The following PGBD5 variants were observed in gnomAD, a reference collection of about 807,000 sequenced individuals.
PGBD5 encodes piggyBac transposable element-derived protein 5.
Under a neutral mutation model 47.9 loss-of-function variants are expected in PGBD5, and 14 were observed. The observed-to-expected ratio is 0.29, with a 90% CI of 0.19 to 0.46. PGBD5 has a LOEUF of 0.46. Ranked by LOEUF, PGBD5 falls within the 20% of genes least tolerant of loss-of-function variation. PGBD5 has a pLI of 1.00. For synonymous variants in PGBD5, 316 were observed against 306.3 expected (o/e 1.03, Z -0.33); for missense variants, 635 against 716.0 (o/e 0.89, Z 1.29).
At chr1:230,400,320 C>G (rs950471388) in intron 1 of PGBD5, among the ~76,000 whole-genome samples, 1 of 152,212 alleles carries the variant, frequency 6.6e-6, no homozygotes, top group Non-Finnish European at 1.5e-5. Context: ...AATTCTGCAA[C>G]AGACGCCTTC....
chr1:230,414,634 A>G (rs1227209428), intron 1 of PGBD5, among the ~76,000 whole-genome samples: 6 of 152,172 alleles, frequency 3.9e-5, no homozygotes, highest in Non-Finnish European at 7.3e-5. Flanking sequence ...ACATCCCCCT[A>G]AGATGCCACA....
At chr1:230,419,712 G>A (rs754780748) in intron 1 of PGBD5, among the ~76,000 whole-genome samples, 15 of 152,132 alleles carry the variant, frequency 9.9e-5, no homozygotes, top group African/African-American at 3.4e-4. Flanking sequence ...GCATAAAAAG[G>A]TACATTTCTG....
rs547686560 is a variant in PGBD5, at chr1:230,315,403, C to G, written c.*8022G>C. ...ATTCAGCCCCGGGAGCCACTCGGAT[C>G]AAGTCTGGCTGTATCCCGAGGGCGA... is the stretch of plus-strand genomic sequence containing the variant. On this transcript the variant is annotated 3_prime_UTR_variant, in exon 7 of 7. Transcript: ENST00000391860. The G allele has an allele frequency of 2.9e-5, 4 of 139,004 alleles. No homozygotes were observed. Among genetic ancestry groups the G allele is most frequent in the African/African-American group, 1.3e-4 (4 of 30,766 alleles). The allele number at this position is 139,004 out of a possible 1,614,324, so 8.6% of individuals were successfully genotyped here.
intron 1 of PGBD5, among the ~76,000 whole-genome samples, chr1:230,399,058 A>AT (rs1553289703): frequency 3.6e-4 from 55 of 151,538 alleles, no homozygotes; most frequent in Non-Finnish European, 6.3e-4. Context: ...CAGGTTACTA[A>AT]GGGGGGGTGG....
chr1:230,377,748 T>C lies in PGBD5; in HGVS notation c.332-20427A>G, dbSNP rs1183354211. The C allele has an allele frequency of 3.6e-6, 5 of 1,391,600 alleles. No homozygotes were observed. The African/African-American group carries it at 7.3e-5, about 20-fold the overall frequency. The allele number at this position is 1,391,600 out of a possible 1,614,324, so 86.2% of individuals were successfully genotyped here. Reference sequence around the variant, plus strand: ...GAGTCATTGTGAGAATAAAATGAAATACTGTGCATAAAGCACAGTGCAGCA... The same window carrying C: ...GAGTCATTGTGAGAATAAAATGAAACACTGTGCATAAAGCACAGTGCAGCA... On this transcript the variant is annotated intron_variant, in intron 1 of 6. Coordinates refer to ENST00000391860, the MANE Select transcript of PGBD5 (RefSeq NM_001258311.2).
At chr1:230,360,866 G>A (rs549079260) in intron 1 of PGBD5, among the ~76,000 whole-genome samples, 22 of 152,128 alleles carry the variant, frequency 1.4e-4, no homozygotes, top group South Asian at 4.1e-4. Flanking sequence ...GATAAGACTC[G>A]GATCCGTTTA....
At chr1:230,408,768 T>A (rs6697905) in intron 1 of PGBD5, among the ~76,000 whole-genome samples, 123 of 152,284 alleles carry the variant, frequency 8.1e-4, no homozygotes, top group African/African-American at 2.9e-3. Flanking sequence ...GAAGAAAGCA[T>A]AGGGTTAAAT....
chr1:230,358,779 A>G (rs1667698304), intron 1 of PGBD5, among the ~76,000 whole-genome samples: 1 of 152,224 alleles, frequency 6.6e-6, no homozygotes, highest in African/African-American at 2.4e-5. Context: ...ACAGGTTTGT[A>G]GTCTAGGAGC....
chr1:230,382,616 G>A (rs890043456), intron 1 of PGBD5, among the ~76,000 whole-genome samples: 3 of 152,172 alleles, frequency 2.0e-5, no homozygotes, highest in Non-Finnish European at 1.5e-5. Context: ...TCTGAAACCA[G>A]GGCAATCCTA....
intron 1 of PGBD5, among the ~76,000 whole-genome samples, chr1:230,396,185 T>C (rs1276198114): frequency 1.2e-4 from 14 of 112,678 alleles, no homozygotes; most frequent in African/African-American, 5.5e-4. Flanking sequence ...CCCACATTCC[T>C]TTTTACCCCC....
chr1:230,335,668 GATACACAGATACAGAC>G (rs1667301064), intron 4 of PGBD5, among the ~76,000 whole-genome samples: 1 of 53,862 alleles, frequency 1.9e-5, no homozygotes, highest in African/African-American at 5.3e-5. Flanking sequence ...GACACACACA[GATACACAGATACAGAC>G]ACACAGACAC....
At chr1:230,393,496 C>A (rs1362466761) in intron 1 of PGBD5, among the ~76,000 whole-genome samples, 1 of 152,082 alleles carries the variant, frequency 6.6e-6, no homozygotes, top group African/African-American at 2.4e-5. Flanking sequence ...CCAGAGGCTT[C>A]CACCCAATCT....
At chr1:230,344,527 T>A (rs1484241793) in intron 3 of PGBD5, among the ~76,000 whole-genome samples, 1 of 152,186 alleles carries the variant, frequency 6.6e-6, no homozygotes, top group East Asian at 1.9e-4. Flanking sequence ...TAAGTGTTCG[T>A]CATTCTTTCC....
At chr1:230,343,039 C>A (rs549025931) in intron 3 of PGBD5, among the ~76,000 whole-genome samples, 1 of 152,286 alleles carries the variant, frequency 6.6e-6, no homozygotes, top group African/African-American at 2.4e-5. Context: ...TGTGTATTAG[C>A]TGGGGCTTCT....
chr1:230,326,988 G>A (rs60154942), intron 5 of PGBD5, among the ~76,000 whole-genome samples: 14,552 of 152,104 alleles, frequency 0.096, 1,222 homozygotes, highest in African/African-American at 0.23. Flanking sequence ...AGAAGCACAC[G>A]GAGACCCATG....
intron 1 of PGBD5, among the ~76,000 whole-genome samples, chr1:230,396,039 G>A (rs863790): frequency 0.045 from 6,093 of 135,954 alleles, 451 homozygotes; most frequent in African/African-American, 0.16. Context: ...CCTTGCTTCC[G>A]TCTTCCCTTT....
At chr1:230,386,891 A>G (rs1440971525) in intron 1 of PGBD5, among the ~76,000 whole-genome samples, 2 of 152,190 alleles carry the variant, frequency 1.3e-5, no homozygotes, top group African/African-American at 4.8e-5. Context: ...AGCCTGAATT[A>G]GGGGAATATA....
intron 1 of PGBD5, among the ~76,000 whole-genome samples, chr1:230,358,964 G>T (rs1314764999): frequency 6.6e-6 from 1 of 152,162 alleles, no homozygotes; most frequent in Admixed American, 6.5e-5. Context: ...TTTTTAAAGA[G>T]CTATGGCTTA....
intron 1 of PGBD5, among the ~76,000 whole-genome samples, chr1:230,382,899 T>A (rs1385804758): frequency 4.6e-5 from 7 of 151,272 alleles, no homozygotes; most frequent in Admixed American, 4.0e-4. Context: ...GAGGGATCTT[T>A]AAATGTCAGA....
Sources: gnomAD v4.1 joint callset for allele counts (sites outside exome capture counted in the v4.1 genomes callset) on GRCh38, gnomAD v4.1.1 for gene constraint, MANE v1.5 for transcripts, NCBI Gene and HGNC (gene_info 2026-07-23, HGNC 2026-07-21) for gene names.